The following POC1B variants were observed in gnomAD, a reference collection of about 807,000 sequenced individuals.
POC1B encodes POC1 centriolar protein B.
In POC1B, 44 loss-of-function variants were observed where a neutral mutation model predicts 60.6. The observed-to-expected ratio is 0.73, with a 90% CI of 0.57 to 0.93. The LOEUF (loss-of-function observed/expected upper bound fraction) is 0.93, where lower values mean the gene tolerates loss of function less well. Ranked by LOEUF, POC1B falls within the 40% of genes least tolerant of loss-of-function variation. The pLI, the probability that POC1B is intolerant of heterozygous loss-of-function variation, is 0.00. For synonymous variants in POC1B, 180 were observed against 198.9 expected (o/e 0.90, Z 0.80); for missense variants, 555 against 572.3 (o/e 0.97, Z 0.31).
chr12:89,475,664 A>G (rs1209990401), intron 4 of POC1B, among the ~76,000 whole-genome samples: 2 of 152,202 alleles, frequency 1.3e-5, no homozygotes, highest in Non-Finnish European at 2.9e-5. Context: ...TTAAGAATTT[A>G]AAGAGGATAT....
chr12:89,465,439 A>G (rs1002097316), intron 9 of POC1B, among the ~76,000 whole-genome samples: 2 of 152,158 alleles, frequency 1.3e-5, no homozygotes, highest in African/African-American at 4.8e-5. Context: ...CTCCTGATCA[A>G]TCTTGGCCAA....
Position 89,523,376 on chromosome 12 carries a change from C to T in POC1B, c.100+1744G>A, listed in dbSNP as rs780006864. ...GGAGGGTTTCTATTGTAGAAGTGCT[C>T]TTTGTATTCATCCATCCAAACTTCT... On this transcript the variant is annotated intron_variant, in intron 2 of 11. Coordinates refer to ENST00000313546, the MANE Select transcript of POC1B (RefSeq NM_172240.3). 4.3e-6 allele frequency: 7 copies of T among 1,614,034 alleles called. No homozygotes were observed. The South Asian group carries it at 5.5e-5, about 13-fold the overall frequency.
chr12:89,444,893 G>A (rs141260437), intron 10 of POC1B, among the ~76,000 whole-genome samples: 1,998 of 152,260 alleles, frequency 0.013, 77 homozygotes, highest in East Asian at 0.11. Context: ...AAGCTGATAA[G>A]CAACTTCAGC....
At chr12:89,517,375 G>C (rs979357588) in intron 2 of POC1B, among the ~76,000 whole-genome samples, 17 of 152,180 alleles carry the variant, frequency 1.1e-4, no homozygotes, top group African/African-American at 4.1e-4. Context: ...GCTCACAACT[G>C]TAATCCCAGC....
chr12:89,492,801 T>A (rs10858879), intron 3 of POC1B, among the ~76,000 whole-genome samples: 29,377 of 152,004 alleles, frequency 0.19, 3,256 homozygotes, highest in South Asian at 0.36. Context: ...AACCATATCA[T>A]CCTCACTTCC....
At chr12:89,513,141 T>C (rs1025012177) in intron 2 of POC1B, among the ~76,000 whole-genome samples, 1 of 151,684 alleles carries the variant, frequency 6.6e-6, no homozygotes, top group African/African-American at 2.4e-5. Context: ...GTGTATACAC[T>C]AAATTAGTTT....
rs142169837 is a variant in POC1B at position 89,500,441 on chromosome 12, C to T, written c.101-3099G>A. 967 of 1,550,164 alleles carry T rather than the reference C, an allele frequency of 6.2e-4. 10 individuals carry two copies. The African/African-American group carries it at 0.012, about 19-fold the overall frequency. ...CAGATCAGTTCAGGCCCATGAAGTT[C>T]GTCAGAAAATTCTGGCAACTGATGT... On this transcript the variant is annotated intron_variant, in intron 2 of 11. Transcript: ENST00000313546.
At chr12:89,500,088 G>T in intron 2 of POC1B, 1 of 1,390,746 alleles carries the variant, frequency 7.2e-7, no homozygotes, top group South Asian at 1.2e-5. Context: ...CAGCGGGGCC[G>T]GAACATGGCT....
At chr12:89,454,584 C>A (rs1429722953) in intron 10 of POC1B, among the ~76,000 whole-genome samples, 2 of 152,146 alleles carry the variant, frequency 1.3e-5, no homozygotes, top group Admixed American at 6.5e-5. Flanking sequence ...TCCTGGAGAG[C>A]CCTTCCCAGA....
chr12:89,411,387 T>C, the POC1B span, among the ~76,000 whole-genome samples: 1 of 152,250 alleles, frequency 6.6e-6, no homozygotes, highest in Non-Finnish European at 1.5e-5. Context: ...TTGTTTTATA[T>C]GCACATTATA....
chr12:89,418,632 CT>C (rs1026095867), downstream of POC1B, among the ~76,000 whole-genome samples: 1 of 152,050 alleles, frequency 6.6e-6, no homozygotes, highest in African/African-American at 2.4e-5. Context: ...GCTTGGTGCC[CT>C]CCTCGAAGTA....
chr12:89,524,011 A>G, intron 2 of POC1B: 1 of 1,613,390 alleles, frequency 6.2e-7, no homozygotes, highest in South Asian at 1.1e-5. Context: ...CTTCAAATAA[A>G]CTCTGTCACT....
At chr12:89,490,483 T>G (rs1868902866) in intron 4 of POC1B, among the ~76,000 whole-genome samples, 1 of 152,170 alleles carries the variant, frequency 6.6e-6, no homozygotes, top group Admixed American at 6.5e-5. Context: ...TAACTGGGAC[T>G]ACAGGCACCT....
At chr12:89,461,649 T>C (rs1417008834) in intron 9 of POC1B, 3 of 152,212 alleles carry the variant, frequency 2.0e-5, no homozygotes, top group Non-Finnish European at 4.4e-5. Context: ...GCTGTAGTTT[T>C]AGAAACAGTA....
At chr12:89,430,263 C>T (rs11105285) in intron 10 of POC1B, among the ~76,000 whole-genome samples, 51,865 of 151,940 alleles carry the variant, frequency 0.34, 11,196 homozygotes, top group African/African-American at 0.61. Context: ...GAACTGAATA[C>T]AAAACATATC....
chr12:89,408,494 T>C, the POC1B span, among the ~76,000 whole-genome samples: 2 of 151,616 alleles, frequency 1.3e-5, no homozygotes, highest in African/African-American at 4.8e-5. Flanking sequence ...TGGTTTTTTT[T>C]TTTTTTTTTG....
At chr12:89,436,379 A>G (rs1483699092) in intron 10 of POC1B, among the ~76,000 whole-genome samples, 1 of 152,208 alleles carries the variant, frequency 6.6e-6, no homozygotes, top group Admixed American at 6.5e-5. Flanking sequence ...TCCATTTAAA[A>G]TTTCAGTCTC....
intron 7 of POC1B, among the ~76,000 whole-genome samples, chr12:89,470,119 G>A (rs1348879456): frequency 3.3e-5 from 5 of 152,028 alleles, no homozygotes; most frequent in Non-Finnish European, 5.9e-5. Context: ...TGATCTGCCC[G>A]CCTCAGCCTC....
intron 10 of POC1B, among the ~76,000 whole-genome samples, chr12:89,433,901 C>G (rs773450397): frequency 6.6e-6 from 1 of 152,206 alleles, no homozygotes; most frequent in Non-Finnish European, 1.5e-5. Context: ...GAAAAAGGAA[C>G]TGCAGACTCA....
Sources: allele counts gnomAD v4.1 joint callset (sites outside exome capture counted in the v4.1 genomes callset), GRCh38; gene constraint gnomAD v4.1.1; transcripts MANE v1.5; gene names NCBI Gene and HGNC (gene_info 2026-07-23, HGNC 2026-07-21).